The following REL variants were observed in gnomAD, a reference collection of about 807,000 sequenced individuals.
The protein encoded by REL is proto-oncogene c-Rel.
REL carries 15 observed loss-of-function variants against 45.9 expected under a neutral mutation model. The ratio of observed to expected loss-of-function variants is 0.33; its 90% confidence interval spans 0.22 to 0.50. The LOEUF is 0.50. Among genes scored for constraint, REL ranks in the 20% least tolerant of loss-of-function variants. The probability of loss-of-function intolerance (pLI) is 0.98; values close to 1 mark genes in which losing one functional copy is unlikely to be tolerated. For synonymous variants in REL, 239 were observed against 242.1 expected, an observed-to-expected ratio of 0.99 and a Z score of 0.12; for missense variants, 601 against 715.2, an observed-to-expected ratio of 0.84 and a Z score of 1.82.
chr2:60,894,609 C>T, intron 3 of REL, 64 bp downstream of exon 3: 1 of 1,227,644 alleles, frequency 8.1e-7, no homozygotes, highest in South Asian at 2.0e-5. Flanking sequence ...TGTTTCTTCT[C>T]CATGACAATC....
At chr2:60,902,486 C>T (rs1573327055) in intron 4 of REL, among the ~76,000 whole-genome samples, 1 of 150,282 alleles carries the variant, frequency 6.7e-6, no homozygotes, top group East Asian at 1.9e-4. Context: ...CATTTTTTTC[C>T]ACTCAGGAAT....
At position 60,881,649 on chromosome 2, in the gene REL, A is replaced by G; in HGVS notation, c.-192A>G. 2 of 522,088 alleles carry G rather than the reference A, an allele frequency of 3.8e-6. No individual in the cohort carries two copies. The highest frequency in any genetic ancestry group is 6.8e-6 in the Non-Finnish European group (2 of 294,684). 32.3% of individuals were successfully genotyped at this position (522,088 alleles called of 1,614,324 possible). ...GGCGACGCTGGGTGACCCGGGGTGC[A>G]AGAATTCAGGGGTTGGGAAGGTGTG... On this transcript the variant is annotated 5_prime_UTR_variant, in exon 1 of 10. Coordinates refer to ENST00000394479, the MANE Select transcript of REL (RefSeq NM_001291746.2).
intron 4 of REL, among the ~76,000 whole-genome samples, chr2:60,904,982 G>A (rs1673603243): frequency 6.6e-6 from 1 of 152,164 alleles, no homozygotes; most frequent in African/African-American, 2.4e-5. Context: ...TGACTCTAAG[G>A]TCATGGTTTT....
rs1340955811 is a variant in REL, at chr2:60,927,577, C to G, written c.*5042C>G. 1 of 229,882 alleles carries G rather than the reference C, an allele frequency of 4.4e-6. No individual in the cohort carries two copies. The highest frequency in any genetic ancestry group is 2.2e-5 in the African/African-American group (1 of 45,162). The allele number at this position is 229,882 out of a possible 1,614,324, so 14.2% of individuals were successfully genotyped here. The stretch of plus-strand genomic sequence containing the variant: ...ACACTTCTCAGCCTCAGCACCTAAC[C>G]CTCACACAACACTCCAGTATTGATG... On this transcript the variant is annotated 3_prime_UTR_variant, in exon 10 of 10. Coordinates refer to ENST00000394479, the MANE Select transcript of REL (RefSeq NM_001291746.2).
intron 4 of REL, among the ~76,000 whole-genome samples, chr2:60,910,092 T>C (rs192357068): frequency 6.6e-6 from 1 of 152,266 alleles, no homozygotes; most frequent in East Asian, 1.9e-4. Flanking sequence ...TGGTTAAGAA[T>C]GAAATTCTCA....
chr2:60,895,584 A>C (rs2103935875), intron 3 of REL, among the ~76,000 whole-genome samples: 1 of 152,344 alleles, frequency 6.6e-6, no homozygotes, highest in African/African-American at 2.4e-5. Context: ...AACATACAAC[A>C]ATAGTTCTAA....
rs1352852463 is a variant in REL, at chr2:60,927,086, C to G, written c.*4551C>G. On this transcript the variant is annotated 3_prime_UTR_variant, in exon 10 of 10. Transcript: ENST00000394479. ...TCCTGCCTCCTTACTTGAGGTGAAG[C>G]TTTGTACATGCCTGTATTACGGACA... 7 of 227,438 alleles carry G rather than the reference C, an allele frequency of 3.1e-5. No individual in the cohort carries two copies. The East Asian group carries it at 4.4e-4, about 14-fold the overall frequency. 14.1% of individuals were successfully genotyped at this position (227,438 alleles called of 1,614,324 possible).
At chr2:60,889,796 G>C (rs1673162583) in intron 1 of REL, among the ~76,000 whole-genome samples, 1 of 152,160 alleles carries the variant, frequency 6.6e-6, no homozygotes, top group African/African-American at 2.4e-5. Flanking sequence ...TTTTATGGCT[G>C]CATAGTATTC....
In REL at chr2:60,896,103, A is replaced by C. The variant is rs534273813; in HGVS notation, c.302+1558A>C. ...CTGCAACCTCCACCTCCCTGGTTCA[A>C]GTGATTCTCCTGCCTCAGCCTCCCA... On this transcript the variant is annotated intron_variant, in intron 3 of 9. Coordinates refer to ENST00000394479, the MANE Select transcript of REL (RefSeq NM_001291746.2). Among the ~76,000 whole-genome samples, 3 of 152,068 alleles carry C rather than the reference A, an allele frequency of 2.0e-5. No homozygotes were observed. The South Asian group carries it at 6.2e-4, about 32-fold the overall frequency.
At position 60,914,244 on chromosome 2, in the gene REL, G is replaced by C. The variant is rs148129739; in HGVS notation, c.395-2633G>C. On this transcript the variant is annotated intron_variant, in intron 4 of 9. Transcript: ENST00000394479. ...AAAGAAGCTTTGAGCTGGGGTTTCA[G>C]CCTTACACTGAATCTTGCATTGGGT... Among the ~76,000 whole-genome samples, 12 of 152,350 alleles carry C rather than the reference G, an allele frequency of 7.9e-5. No homozygotes were observed. In the East Asian group the frequency reaches 1.9e-3, roughly 24 times the overall value.
chr2:60,904,139 A>G (rs1673572521), intron 4 of REL, among the ~76,000 whole-genome samples: 5 of 150,654 alleles, frequency 3.3e-5, no homozygotes, highest in Admixed American at 3.3e-4. Context: ...AAGTGAACTC[A>G]GGCTTGTAAT....
At position 60,920,645 on chromosome 2, in the gene REL, AT is replaced by A; in HGVS notation, c.991+7del. The A allele has an allele frequency of 6.4e-7, 1 of 1,560,704 alleles. No homozygotes were observed. The highest frequency in any genetic ancestry group is 8.8e-7 in the Non-Finnish European group (1 of 1,133,672). ...AGAAGGAAGATACTTCAAAAAAGGT[AT>A]TTTATTTCCTATAGCATATTTCTTG... On this transcript the variant is annotated splice_donor_region_variant and intron_variant, in intron 9 of 9. Coordinates refer to ENST00000394479, the MANE Select transcript of REL (RefSeq NM_001291746.2).
chr2:60,903,621 C>T (rs1182783250), intron 4 of REL, among the ~76,000 whole-genome samples: 2 of 152,066 alleles, frequency 1.3e-5, no homozygotes, highest in African/African-American at 4.8e-5. Context: ...GCAACCCTCA[C>T]CTCCTGGGTT....
rs1303731854 is a variant in REL, at chr2:60,922,190, C to T, written c.1419C>T (p.Ser473=). 1 of 1,614,102 alleles carries T rather than the reference C, an allele frequency of 6.2e-7. No homozygotes were observed. The highest frequency in any genetic ancestry group is 8.5e-7 in the Non-Finnish European group (1 of 1,180,010). Residue 473 remains serine (S), a synonymous_variant, in exon 10 of 10, where the codon AGC becomes AGT. Transcript: ENST00000394479. ...SVNMMTTSSD[S]MGETDNPRLL... is the part of the protein sequence containing the mutation. ...ATATGATGACAACCAGCAGTGACAGCATGGGAGAGACTGATAATCCAAGAC... is the reference window on the plus strand; with the variant it reads ...ATATGATGACAACCAGCAGTGACAGTATGGGAGAGACTGATAATCCAAGAC...
chr2:60,902,834 T>C (rs1573327474), intron 4 of REL, among the ~76,000 whole-genome samples: 1 of 152,152 alleles, frequency 6.6e-6, no homozygotes, highest in East Asian at 1.9e-4. Context: ...AGCAATCCAC[T>C]TGCCTCGGCC....
Position 60,910,129 on chromosome 2 carries a change from A to C in REL, c.395-6748A>C, listed in dbSNP as rs773457688. ...TACACACCTACTGATTTTAGGGTTA[A>C]AGGAGTGATATTTCTTTCTAAAGGT... On this transcript the variant is annotated intron_variant, in intron 4 of 9. Transcript: ENST00000394479. Among the ~76,000 whole-genome samples, 17 of 151,996 alleles carry C rather than the reference A, an allele frequency of 1.1e-4. 1 individual carries two copies. Among genetic ancestry groups the C allele is most frequent in the Non-Finnish European group, 2.2e-4 (15 of 67,990 alleles).
chr2:60,891,992 A>G (rs983624657), intron 2 of REL, among the ~76,000 whole-genome samples, 167 bp downstream of exon 2: 1 of 151,986 alleles, frequency 6.6e-6, no homozygotes, highest in Non-Finnish European at 1.5e-5. Context: ...TCTATTAGAT[A>G]GATGTCTAAG....
chr2:60,909,829 G>C (rs1673762192), intron 4 of REL, among the ~76,000 whole-genome samples: 1 of 152,044 alleles, frequency 6.6e-6, no homozygotes, highest in Non-Finnish European at 1.5e-5. Flanking sequence ...AGTTGAACCA[G>C]GAGGCGGGGG....
chr2:60,923,919 G>C lies in REL; in HGVS notation c.*1384G>C, dbSNP rs1674208084. 1 of 232,836 alleles carries C rather than the reference G, an allele frequency of 4.3e-6. No homozygotes were observed. Among genetic ancestry groups the C allele is most frequent in the Non-Finnish European group, 8.5e-6 (1 of 117,826 alleles). 14.4% of individuals were successfully genotyped at this position (232,836 alleles called of 1,614,324 possible). ...ATTCATTGGCTTCTCATCTCACTCA[G>C]AGCAGTCAAAGTCCTTAAAAGTTGC... On this transcript the variant is annotated 3_prime_UTR_variant, in exon 10 of 10. Coordinates refer to ENST00000394479, the MANE Select transcript of REL (RefSeq NM_001291746.2).
Sources: gnomAD v4.1 joint callset for allele counts (sites outside exome capture counted in the v4.1 genomes callset) on GRCh38, gnomAD v4.1.1 for gene constraint, MANE v1.5 for transcripts, NCBI Gene and HGNC (gene_info 2026-07-23, HGNC 2026-07-21) for gene names.